OLFML1: variants seen among roughly 807,000 people sequenced by gnomAD.
OLFML1 encodes olfactomedin like 1, also known as olfactomedin-like protein 1.
In OLFML1, 33 loss-of-function variants were observed where a neutral mutation model predicts 37.3. The ratio of observed to expected loss-of-function variants is 0.88; its 90% CI spans 0.67 to 1.18. The LOEUF (loss-of-function observed/expected upper bound fraction) is 1.18, where lower values mean the gene tolerates loss of function less well. OLFML1 is among the 50% of genes most tolerant of loss of function. OLFML1 has a pLI of 0.00. For missense variants in OLFML1, 545 were observed against 483.7 expected, an observed-to-expected ratio of 1.13 and a Z score of -1.19; for synonymous variants, 186 against 181.3, an observed-to-expected ratio of 1.03 and a Z score of -0.21.
chr11:7,495,290 G>C (rs1311010050), intron 2 of OLFML1, among the ~76,000 whole-genome samples: 2 of 152,014 alleles, frequency 1.3e-5, no homozygotes, highest in African/African-American at 4.8e-5. Context: ...CCACATCACT[G>C]CTTTATCCCC....
intron 2 of OLFML1, among the ~76,000 whole-genome samples, chr11:7,493,733 G>A (rs1848630012): frequency 6.6e-6 from 1 of 152,232 alleles, no homozygotes; most frequent in Non-Finnish European, 1.5e-5. Context: ...GATACCTTCA[G>A]TCCCATCACT....
chr11:7,509,534 T>C lies in OLFML1; in HGVS notation c.555T>C (p.Thr185=), dbSNP rs1267110896. ...TATTAATTGGATCCAGAAACAACACTGTTTGGGAATTTGCAAACATACGGG... is the reference window on the plus strand; with the variant it reads ...TATTAATTGGATCCAGAAACAACACCGTTTGGGAATTTGCAAACATACGGG... ...VYLLIGSRNN[T]VWEFANIRAF... Residue 185 remains threonine (T), a synonymous_variant, in exon 3 of 3, where the codon ACT becomes ACC. Transcript: ENST00000329293. 2 of 1,614,206 alleles carry C rather than the reference T, an allele frequency of 1.2e-6. No individual in the cohort carries two copies. Among genetic ancestry groups the C allele is most frequent in the Admixed American group, 1.7e-5 (1 of 60,024 alleles).
intron 2 of OLFML1, among the ~76,000 whole-genome samples, chr11:7,507,003 T>C (rs1241591564): frequency 1.3e-5 from 2 of 152,188 alleles, no homozygotes; most frequent in South Asian, 2.1e-4. Context: ...GATACTAATA[T>C]GGTTTAAAAG....
intron 2 of OLFML1, among the ~76,000 whole-genome samples, chr11:7,499,204 C>T (rs1037222904): frequency 9.9e-5 from 15 of 152,210 alleles, no homozygotes; most frequent in African/African-American, 3.1e-4. Flanking sequence ...TGAGGCCTTG[C>T]GCCAAATTCT....
intron 2 of OLFML1, among the ~76,000 whole-genome samples, chr11:7,491,503 C>A (rs77522501): frequency 6.6e-6 from 1 of 152,204 alleles, no homozygotes; most frequent in South Asian, 2.1e-4. Flanking sequence ...ACAATCACAA[C>A]GGTGTGATTA....
At chr11:7,492,896 A>G (rs1848615677) in intron 2 of OLFML1, among the ~76,000 whole-genome samples, 1 of 152,180 alleles carries the variant, frequency 6.6e-6, no homozygotes, top group Admixed American at 6.5e-5. Flanking sequence ...ATTGCACTTG[A>G]TAATTTATGA....
intron 2 of OLFML1, among the ~76,000 whole-genome samples, chr11:7,495,625 T>G (rs1179523649): frequency 6.6e-6 from 1 of 152,090 alleles, no homozygotes; most frequent in Non-Finnish European, 1.5e-5. Context: ...ATATACCTCA[T>G]GCATGCCTGA....
intron 2 of OLFML1, among the ~76,000 whole-genome samples, chr11:7,503,751 AAGTT>A (rs1848749910): frequency 6.6e-6 from 1 of 152,208 alleles, no homozygotes; most frequent in South Asian, 2.1e-4. Context: ...TTCAGGTGAT[AAGTT>A]CTTGAGTAGG....
Position 7,510,389 on chromosome 11 carries a change from A to G in OLFML1, c.*201A>G. The G allele has an allele frequency of 1.8e-6, 1 of 546,070 alleles. No individual in the cohort carries two copies. Among genetic ancestry groups the G allele is most frequent in the Non-Finnish European group, 3.2e-6 (1 of 311,512 alleles). 33.8% of individuals were successfully genotyped at this position (546,070 alleles called of 1,614,324 possible). On this transcript the variant is annotated 3_prime_UTR_variant, in exon 3 of 3. Coordinates refer to ENST00000329293, the MANE Select transcript of OLFML1 (RefSeq NM_198474.4). The stretch of plus-strand genomic sequence containing the variant: ...GCTTAGATGAGAGCATATCATCAGG[A>G]AAGTTTCAACAATGTCCATTACTCC...
At chr11:7,495,493 G>A (rs938110899) in intron 2 of OLFML1, among the ~76,000 whole-genome samples, 1 of 152,028 alleles carries the variant, frequency 6.6e-6, no homozygotes, top group Non-Finnish European at 1.5e-5. Flanking sequence ...TCATAAAAGT[G>A]GATAAGAAGC....
chr11:7,509,507 C>T lies in OLFML1; in HGVS notation c.528C>T (p.Tyr176=), dbSNP rs759685264. 1.2e-6 allele frequency: 2 copies of T among 1,614,094 alleles called. No homozygotes were observed. Among genetic ancestry groups the T allele is most frequent in the South Asian group, 1.1e-5 (1 of 91,084 alleles). ...CTGTCTATAACTCTCCAAAGGTGTACTTATTAATTGGATCCAGAAACAACA... is the reference window on the plus strand; with the variant it reads ...CTGTCTATAACTCTCCAAAGGTGTATTTATTAATTGGATCCAGAAACAACA... The part of the protein sequence containing the change: ...KDAVYNSPKV[Y]LLIGSRNNTV... Residue 176 remains tyrosine (Y), a synonymous_variant, in exon 3 of 3, where the codon TAC becomes TAT. Coordinates refer to ENST00000329293, the MANE Select transcript of OLFML1 (RefSeq NM_198474.4).
intron 2 of OLFML1, among the ~76,000 whole-genome samples, chr11:7,497,844 CCT>C (rs1848681846): frequency 6.6e-6 from 1 of 152,110 alleles, no homozygotes; most frequent in Non-Finnish European, 1.5e-5. Flanking sequence ...TATGCCGGGC[CCT>C]GTTTAAGCCC....
intron 1 of OLFML1, 23 bp from the exon 2 acceptor site, chr11:7,488,104 G>A: frequency 2.5e-6 from 4 of 1,568,962 alleles, no homozygotes; most frequent in Non-Finnish European, 3.5e-6. Context: ...GCAATAATTT[G>A]CAAATTTATT....
chr11:7,496,782 C>A (rs958158065), intron 2 of OLFML1, among the ~76,000 whole-genome samples: 1 of 152,032 alleles, frequency 6.6e-6, no homozygotes, highest in African/African-American at 2.4e-5. Flanking sequence ...GTAATTATAA[C>A]CTTGGAATGG....
intron 2 of OLFML1, among the ~76,000 whole-genome samples, chr11:7,502,620 T>G (rs1848736311): frequency 6.6e-6 from 1 of 152,102 alleles, no homozygotes; most frequent in Non-Finnish European, 1.5e-5. Context: ...GCTTTTTTTT[T>G]TTCTGGGACA....
chr11:7,499,723 T>C (rs1348757436), intron 2 of OLFML1, among the ~76,000 whole-genome samples: 1 of 152,222 alleles, frequency 6.6e-6, no homozygotes, highest in Non-Finnish European at 1.5e-5. Context: ...GTTTCTTTTT[T>C]TCCAGAACTA....
intron 2 of OLFML1, among the ~76,000 whole-genome samples, chr11:7,504,528 A>T (rs1848760492): frequency 6.6e-6 from 1 of 152,130 alleles, no homozygotes; most frequent in Non-Finnish European, 1.5e-5. Context: ...TATGGGAGGC[A>T]AGTATGGAGG....
At chr11:7,496,172 C>T (rs1848660671) in intron 2 of OLFML1, among the ~76,000 whole-genome samples, 1 of 152,224 alleles carries the variant, frequency 6.6e-6, no homozygotes, top group Admixed American at 6.5e-5. Flanking sequence ...ATGGCCTCTG[C>T]TCCTGCAGGA....
intron 2 of OLFML1, among the ~76,000 whole-genome samples, chr11:7,500,147 C>T (rs1208821151): frequency 1.3e-5 from 2 of 152,226 alleles, no homozygotes; most frequent in East Asian, 1.9e-4. Context: ...CCCACCTCAG[C>T]CTTCCAAAGT....
Sources: gnomAD v4.1 joint callset for allele counts (sites outside exome capture counted in the v4.1 genomes callset) on GRCh38, gnomAD v4.1.1 for gene constraint, MANE v1.5 for transcripts, NCBI Gene and HGNC (gene_info 2026-07-23, HGNC 2026-07-21) for gene names.